The following MITF variants were observed in gnomAD, a reference collection of about 807,000 sequenced individuals.
MITF encodes melanocyte inducing transcription factor, also known as microphthalmia-associated transcription factor.
Under a neutral mutation model 60.5 loss-of-function variants are expected in MITF, and 17 were observed. That is an observed-to-expected ratio of 0.28 (90% CI 0.19 to 0.42). The LOEUF is 0.42. MITF is among the 10% of genes least tolerant of loss of function. The pLI, the probability that MITF is intolerant of heterozygous loss-of-function variation, is 1.00. For missense variants in MITF, 622 were observed against 683.5 expected (o/e 0.91, Z 1.00); for synonymous variants, 260 against 248.5 (o/e 1.05, Z -0.43).
At chr3:69,937,784 A>G (rs778917210) in intron 2 of MITF, 38 bp from the exon 3 acceptor site, 1 of 1,565,714 alleles carries the variant, frequency 6.4e-7, no homozygotes, top group South Asian at 1.1e-5. Flanking sequence ...CTCACAAATA[A>G]CAGCGCTGTT....
intron 9 of MITF, among the ~76,000 whole-genome samples, chr3:69,963,596 T>C (rs992077226): frequency 8.5e-5 from 13 of 152,322 alleles, no homozygotes; most frequent in African/African-American, 2.4e-4. Flanking sequence ...TGGATGTGTG[T>C]GTCTGTTGGG....
chr3:69,820,987 A>T lies in MITF; in HGVS notation c.105-58147A>T, dbSNP rs146989906. On this transcript the variant is annotated intron_variant, in intron 1 of 9. Coordinates refer to ENST00000352241, the MANE Select transcript of MITF (RefSeq NM_001354604.2). ...TAAATGAGATTTTCCACAACTTTTT[A>T]AAAAAATTTCAGCCTCGTTGTAGGA... Among the ~76,000 whole-genome samples, 205 of 152,208 alleles carry T rather than the reference A, an allele frequency of 1.3e-3. 3 individuals are homozygous for T. Among genetic ancestry groups the T allele is most frequent in the African/African-American group, 4.6e-3 (191 of 41,548 alleles).
At chr3:69,828,889 T>G (rs2063399370) in intron 1 of MITF, among the ~76,000 whole-genome samples, 1 of 152,110 alleles carries the variant, frequency 6.6e-6, no homozygotes, top group African/African-American at 2.4e-5. Flanking sequence ...TTTTTTTCAT[T>G]ATCAGCTAGA....
chr3:69,934,719 C>A (rs1376620575), intron 2 of MITF, among the ~76,000 whole-genome samples: 2 of 152,206 alleles, frequency 1.3e-5, no homozygotes, highest in African/African-American at 2.4e-5. Context: ...AAAGAAGCAC[C>A]AGGAAATGCC....
chr3:69,836,383 C>G (rs1031212389), intron 1 of MITF, among the ~76,000 whole-genome samples: 1 of 152,064 alleles, frequency 6.6e-6, no homozygotes, highest in Non-Finnish European at 1.5e-5. Context: ...AAATGTAAGA[C>G]ATGTTTATAC....
intron 1 of MITF, among the ~76,000 whole-genome samples, chr3:69,761,424 G>A (rs529568515): frequency 9.2e-5 from 14 of 152,288 alleles, no homozygotes; most frequent in Middle Eastern, 3.4e-3. Flanking sequence ...GTTGAACCGC[G>A]ATTCAAACTG....
At chr3:69,763,681 A>G (rs2062244701) in intron 1 of MITF, 1 of 1,278,924 alleles carries the variant, frequency 7.8e-7, no homozygotes, top group Non-Finnish European at 1.0e-6. Flanking sequence ...CCAAAGGGCC[A>G]AGGCAGCCCT....
chr3:69,783,547 T>C (rs1410916913), intron 1 of MITF, among the ~76,000 whole-genome samples: 1 of 151,234 alleles, frequency 6.6e-6, no homozygotes, highest in African/African-American at 2.4e-5. Flanking sequence ...TTTTATTAAA[T>C]GCCAAGTTGG....
At chr3:69,780,444 A>G (rs964895669) in intron 1 of MITF, among the ~76,000 whole-genome samples, 4 of 152,196 alleles carry the variant, frequency 2.6e-5, no homozygotes, top group African/African-American at 9.6e-5. Context: ...TCTTGATGGA[A>G]TGTTTAGAGC....
intron 1 of MITF, among the ~76,000 whole-genome samples, chr3:69,781,361 T>C (rs984416365): frequency 6.6e-6 from 1 of 152,154 alleles, no homozygotes; most frequent in Non-Finnish European, 1.5e-5. Flanking sequence ...CCTGAATACA[T>C]GCAACTAAAA....
At chr3:69,820,753 G>A (rs915182681) in intron 1 of MITF, among the ~76,000 whole-genome samples, 1 of 152,164 alleles carries the variant, frequency 6.6e-6, no homozygotes, top group African/African-American at 2.4e-5. Context: ...TTGCTGCGAT[G>A]CTGGCCTGCC....
intron 5 of MITF, among the ~76,000 whole-genome samples, chr3:69,944,374 A>T (rs2066044008): frequency 6.6e-6 from 1 of 152,128 alleles, no homozygotes; most frequent in African/African-American, 2.4e-5. Flanking sequence ...ATTCAGGAGC[A>T]GAGAGGCCAT....
At chr3:69,904,253 A>G (rs1175134560) in intron 2 of MITF, among the ~76,000 whole-genome samples, 1 of 152,162 alleles carries the variant, frequency 6.6e-6, no homozygotes, top group East Asian at 1.9e-4. Context: ...AAAAGAGACA[A>G]AACATAAATG....
At position 69,965,716 on chromosome 3, in the gene MITF, T is replaced by G; in HGVS notation, c.*468T>G. On this transcript the variant is annotated 3_prime_UTR_variant, in exon 10 of 10. Coordinates refer to ENST00000352241, the MANE Select transcript of MITF (RefSeq NM_001354604.2). Reference sequence around the variant, plus strand: ...CTAACCCTTTTCCATTTTATAAATGTATTGATTCATTGGTACTGCCTTAAA... The same window carrying G: ...CTAACCCTTTTCCATTTTATAAATGGATTGATTCATTGGTACTGCCTTAAA... The G allele has an allele frequency of 4.1e-6, 1 of 243,136 alleles. No homozygotes were observed. Among genetic ancestry groups the G allele is most frequent in the East Asian group, 5.9e-5 (1 of 16,874 alleles). The allele number at this position is 243,136 out of a possible 1,614,324, so 15.1% of individuals were successfully genotyped here.
At chr3:69,787,148 A>C (rs1336677594) in intron 1 of MITF, among the ~76,000 whole-genome samples, 2 of 152,212 alleles carry the variant, frequency 1.3e-5, no homozygotes, top group Non-Finnish European at 2.9e-5. Flanking sequence ...CTTATTGGCC[A>C]CACTTAAGTC....
intron 2 of MITF, among the ~76,000 whole-genome samples, chr3:69,884,140 T>A (rs755352297): frequency 6.6e-6 from 1 of 152,188 alleles, no homozygotes; most frequent in Admixed American, 6.5e-5. Context: ...ATAATACTTG[T>A]TAACTTTTAA....
intron 1 of MITF, among the ~76,000 whole-genome samples, chr3:69,829,542 C>G (rs2063411461): frequency 6.6e-6 from 1 of 152,182 alleles, no homozygotes; most frequent in South Asian, 2.1e-4. Flanking sequence ...TATTGAGGAA[C>G]TACTTTGTGC....
chr3:69,820,220 T>G (rs1458583026), intron 1 of MITF, among the ~76,000 whole-genome samples: 2 of 152,208 alleles, frequency 1.3e-5, no homozygotes, highest in Non-Finnish European at 2.9e-5. Flanking sequence ...CTTCATTTTG[T>G]TTTTCTTTTT....
At chr3:69,845,442 C>CA (rs1553688092) in intron 1 of MITF, among the ~76,000 whole-genome samples, 1 of 136,810 alleles carries the variant, frequency 7.3e-6, no homozygotes, top group East Asian at 2.1e-4. Context: ...TTTTTTCTTT[C>CA]TTTTTTTTTT....
Sources: allele counts gnomAD v4.1 joint callset (sites outside exome capture counted in the v4.1 genomes callset), GRCh38; gene constraint gnomAD v4.1.1; transcripts MANE v1.5; gene names NCBI Gene and HGNC (gene_info 2026-07-23, HGNC 2026-07-21).